ARHGAP21: variants seen among roughly 807,000 people sequenced by gnomAD.
ARHGAP21 encodes Rho GTPase activating protein 21, also known as rho GTPase-activating protein 21.
A neutral mutation model predicts 164.6 loss-of-function variants in ARHGAP21; 38 were observed. The ratio of observed to expected loss-of-function variants is 0.23; its 90% CI spans 0.18 to 0.30. The LOEUF (loss-of-function observed/expected upper bound fraction) is 0.30. ARHGAP21 is among the 10% of genes least tolerant of loss of function. The probability of loss-of-function intolerance (pLI) is 1.00; values close to 1 mark genes in which losing one functional copy is unlikely to be tolerated. For missense variants in ARHGAP21, 1,822 were observed against 2,370.7 expected, an observed-to-expected ratio of 0.77 and a Z score of 4.81; for synonymous variants, 766 against 857.9, an observed-to-expected ratio of 0.89 and a Z score of 1.87.
At chr10:24,657,115 A>G (rs1414488233) in intron 4 of ARHGAP21, among the ~76,000 whole-genome samples, 1 of 20,434 alleles carries the variant, frequency 4.9e-5, no homozygotes, top group Non-Finnish European at 9.2e-5. Context: ...TCCGGGAGGG[A>G]GGTGGGGGGG....
intron 9 of ARHGAP21, among the ~76,000 whole-genome samples, chr10:24,614,364 T>C (rs1684736870): frequency 6.6e-6 from 1 of 152,194 alleles, no homozygotes; most frequent in South Asian, 2.1e-4. Flanking sequence ...TGTAAACATA[T>C]AAAACATTTT....
chr10:24,588,021 A>G (rs1402459417), intron 25 of ARHGAP21, among the ~76,000 whole-genome samples: 1 of 152,212 alleles, frequency 6.6e-6, no homozygotes, highest in African/African-American at 2.4e-5. Flanking sequence ...TTAAAATCTC[A>G]TCTGCTGGCA....
intron 4 of ARHGAP21, among the ~76,000 whole-genome samples, chr10:24,635,436 C>G (rs981830453): frequency 1.3e-5 from 2 of 152,124 alleles, no homozygotes; most frequent in Non-Finnish European, 1.5e-5. Context: ...AAAGAGGAAA[C>G]TGAAGCTTAG....
intron 2 of ARHGAP21, among the ~76,000 whole-genome samples, chr10:24,695,899 T>C (rs1048711559): frequency 6.6e-6 from 1 of 152,200 alleles, no homozygotes; most frequent in African/African-American, 2.4e-5. Flanking sequence ...CGGTTCTGGC[T>C]GATGCCATGA....
chr10:24,584,499 G>A lies in ARHGAP21; in HGVS notation c.5790C>T (p.Ser1930=). ...QINGESFQNV[S]KNASSAANAQ... is the part of the protein sequence containing the mutation. ...CATTCGCTGCAGAACTAGCATTTTT[G>A]CTCACGTTCTGGAAGCTTTCTCCGT... The change falls in exon 26 of 26, where the codon AGC becomes AGT. Residue 1930 remains serine, a synonymous_variant. Coordinates refer to ENST00000396432, the MANE Select transcript of ARHGAP21 (RefSeq NM_020824.4). The A allele has an allele frequency of 6.2e-7, 1 of 1,613,852 alleles. No individual in the cohort carries two copies. The highest frequency in any genetic ancestry group is 8.5e-7 in the Non-Finnish European group (1 of 1,179,836).
At chr10:24,594,876 G>T in intron 21 of ARHGAP21, 74 bp downstream of exon 21, 1 of 1,206,588 alleles carries the variant, frequency 8.3e-7, no homozygotes, top group Non-Finnish European at 1.2e-6. Flanking sequence ...TGACTATTTG[G>T]CATGAAGTAA....
chr10:24,659,643 G>A (rs1446718181), intron 4 of ARHGAP21, among the ~76,000 whole-genome samples: 1 of 152,174 alleles, frequency 6.6e-6, no homozygotes, highest in Non-Finnish European at 1.5e-5. Flanking sequence ...GTATTTTCAA[G>A]AATGAATTAT....
chr10:24,625,323 A>C (rs980450730), intron 7 of ARHGAP21, among the ~76,000 whole-genome samples: 2 of 149,138 alleles, frequency 1.3e-5, no homozygotes, highest in African/African-American at 2.5e-5. Flanking sequence ...AAAAAAAAAA[A>C]CCTGAAGAAT....
rs1160227395 is a variant in ARHGAP21, at chr10:24,584,126, CCAGCGATTTTCTT to C, written c.*273_*285del. The C allele has an allele frequency of 6.1e-6, 1 of 163,286 alleles. No individual in the cohort carries two copies. The highest frequency in any genetic ancestry group is 1.3e-5 in the Non-Finnish European group (1 of 75,826). The allele number at this position is 163,286 out of a possible 1,614,324, so 10.1% of individuals were successfully genotyped here. Reference sequence around the variant, plus strand: ...AGAACAAATTTGCTGCACACTGATGCCAGCGATTTTCTTCAGTGATTTTGGGTATATGCTATGT... The same window carrying C: ...AGAACAAATTTGCTGCACACTGATGCCAGTGATTTTGGGTATATGCTATGT... On this transcript the variant is annotated 3_prime_UTR_variant, in exon 26 of 26. Coordinates refer to ENST00000396432, the MANE Select transcript of ARHGAP21 (RefSeq NM_020824.4).
In ARHGAP21 at chr10:24,722,116, T is replaced by G. The variant is rs1302062983; in HGVS notation, c.-217A>C. The G allele has an allele frequency of 1.2e-5, 7 of 589,418 alleles. No homozygotes were observed. The highest frequency in any genetic ancestry group is 2.1e-5 in the Non-Finnish European group (7 of 327,452). The allele number at this position is 589,418 out of a possible 1,614,324, so 36.5% of individuals were successfully genotyped here. A position where few individuals can be genotyped will look rare whatever the true frequency, so the allele number is the denominator to read the frequency against. ...CGTGACTTCAACTGACTTCGCCTTC[T>G]TCTTCCATTTCTGGAGACTTAAAAA... On this transcript the variant is annotated 5_prime_UTR_variant, in exon 2 of 26. Coordinates refer to ENST00000396432, the MANE Select transcript of ARHGAP21 (RefSeq NM_020824.4).
At chr10:24,653,454 T>C (rs772127511) in intron 4 of ARHGAP21, among the ~76,000 whole-genome samples, 7 of 152,050 alleles carry the variant, frequency 4.6e-5, no homozygotes, top group Admixed American at 1.3e-4. Flanking sequence ...CGGGCGCCTA[T>C]AGTCCCAGCT....
chr10:24,672,131 T>C (rs1840765252), intron 2 of ARHGAP21, among the ~76,000 whole-genome samples: 1 of 152,054 alleles, frequency 6.6e-6, no homozygotes, highest in Non-Finnish European at 1.5e-5. Context: ...ACTTGCTGTT[T>C]CCAATTCTTT....
Position 24,628,850 on chromosome 10 carries a change from C to CAT in ARHGAP21, c.495+1144_495+1145dup, listed in dbSNP as rs369282461. ...ACATATATGTACATATATACACATA[C>CAT]ATATATATACACATATATACATACA... On this transcript the variant is annotated intron_variant, in intron 7 of 25. Coordinates refer to ENST00000396432, the MANE Select transcript of ARHGAP21 (RefSeq NM_020824.4). 8.8e-3 allele frequency among the ~76,000 whole-genome samples: 1,185 copies of CAT among 134,134 alleles called. 21 individuals carry two copies. Among genetic ancestry groups the CAT allele is most frequent in the African/African-American group, 0.031 (1,106 of 35,498 alleles). The allele number at this position is 134,134 out of a possible 152,430, so 88.0% of individuals were successfully genotyped here. A position where few individuals can be genotyped will look rare whatever the true frequency, so the allele number is the denominator to read the frequency against.
intron 4 of ARHGAP21, among the ~76,000 whole-genome samples, chr10:24,653,917 A>G (rs1838495410): frequency 6.6e-6 from 1 of 152,206 alleles, no homozygotes; most frequent in Non-Finnish European, 1.5e-5. Context: ...AAGAAAGTGA[A>G]AAAAAAGAAG....
At chr10:24,589,200 G>A (rs7478260) in intron 25 of ARHGAP21, 71 bp downstream of exon 25, 1,054,041 of 1,329,124 alleles carry the variant, frequency 0.79, 419,229 homozygotes, top group African/African-American at 0.93. Context: ...ATGCATTTGT[G>A]TATCAACCAT....
intron 4 of ARHGAP21, among the ~76,000 whole-genome samples, chr10:24,665,586 GTGAT>G (rs1404293363): frequency 1.5e-4 from 23 of 152,300 alleles, no homozygotes; most frequent in African/African-American, 5.5e-4. Flanking sequence ...AATCAGATCA[GTGAT>G]TGTCTAAAGA....
chr10:24,709,530 G>A (rs1310006965), intron 2 of ARHGAP21, among the ~76,000 whole-genome samples: 2 of 152,058 alleles, frequency 1.3e-5, no homozygotes, highest in Non-Finnish European at 1.5e-5. Flanking sequence ...TTGAGCTCAG[G>A]AGTTCAAGAC....
chr10:24,703,168 A>C (rs924280846), intron 2 of ARHGAP21, among the ~76,000 whole-genome samples: 1 of 152,216 alleles, frequency 6.6e-6, no homozygotes, highest in Non-Finnish European at 1.5e-5. Context: ...TCAATATATT[A>C]ACAGGAGTTG....
At position 24,635,043 on chromosome 10, in the gene ARHGAP21, C is replaced by A. The variant is rs758218281; in HGVS notation, c.329G>T (p.Gly110Val). 17 of 1,600,832 alleles carry A rather than the reference C, an allele frequency of 1.1e-5. No individual in the cohort carries two copies. Among genetic ancestry groups the A allele is most frequent in the Admixed American group, 3.5e-5 (2 of 57,356 alleles). ...DTIFVKQVKEGGPAFEAGLCT... is the reference protein window; with the variant it reads ...DTIFVKQVKEVGPAFEAGLCT... ...TAATCCAGCTTCAAAAGCAGGTCCT[C>A]CTTCTTTAACTTGCTTAACAAATAT... The change falls in exon 5 of 26, where the codon GGA (glycine) becomes GTA (valine). Residue 110 changes from glycine (G) to valine (V), a missense_variant. Gly to Val is a moderately radical substitution (Grantham distance 109). Transcript: ENST00000396432.
Sources: allele counts gnomAD v4.1 joint callset (sites outside exome capture counted in the v4.1 genomes callset), GRCh38; gene constraint gnomAD v4.1.1; transcripts MANE v1.5; gene names NCBI Gene and HGNC (gene_info 2026-07-23, HGNC 2026-07-21).